The following FARS2 variants were observed in gnomAD, a reference collection of about 807,000 sequenced individuals.
FARS2 encodes phenylalanyl-tRNA synthetase 2, mitochondrial.
FARS2 carries 40 observed loss-of-function variants against 46.4 expected under a neutral mutation model. The observed-to-expected ratio is 0.86, with a 90% CI of 0.67 to 1.12. The LOEUF is 1.12. Ranked by LOEUF, FARS2 falls within the 50% of genes most tolerant of loss-of-function variation. FARS2 has a pLI of 0.00. For synonymous variants in FARS2, 234 were observed against 214.9 expected, an observed-to-expected ratio of 1.09 and a Z score of -0.78; for missense variants, 513 against 567.9, an observed-to-expected ratio of 0.90 and a Z score of 0.98.
rs376225292 is a variant in FARS2, at chr6:5,409,390, G to T, written c.772+4689G>T. On this transcript the variant is annotated intron_variant, in intron 3 of 6. Coordinates refer to ENST00000274680, the MANE Select transcript of FARS2 (RefSeq NM_006567.5). The stretch of plus-strand genomic sequence containing the variant: ...CGCTTGAACCTGAGAGGCGGAGGTT[G>T]CAGTGAGCCAAGATTGCACCACCGT... Among the ~76,000 whole-genome samples, 125 of 152,068 alleles carry T rather than the reference G, an allele frequency of 8.2e-4. 6 individuals are homozygous for T. The South Asian group carries it at 0.025, about 30-fold the overall frequency.
intron 1 of FARS2, among the ~76,000 whole-genome samples, chr6:5,354,628 C>G (rs1055522529): frequency 6.6e-6 from 1 of 152,000 alleles, no homozygotes; most frequent in African/African-American, 2.4e-5. Context: ...ATTCTCCTGC[C>G]TCAGCCTCCC....
intron 1 of FARS2, among the ~76,000 whole-genome samples, chr6:5,351,071 G>A (rs1561977174): frequency 2.0e-5 from 3 of 152,126 alleles, no homozygotes. Flanking sequence ...TGGGTGGTAG[G>A]ATATTACCTC....
At chr6:5,688,852 G>A (rs1182940444) in intron 6 of FARS2, among the ~76,000 whole-genome samples, 1 of 152,144 alleles carries the variant, frequency 6.6e-6, no homozygotes, top group African/African-American at 2.4e-5. Context: ...TGGTTGGTAA[G>A]CTATTAATTA....
intron 6 of FARS2, among the ~76,000 whole-genome samples, chr6:5,707,742 C>T (rs987796675): frequency 1.8e-4 from 27 of 152,344 alleles, no homozygotes; most frequent in African/African-American, 5.8e-4. Flanking sequence ...GGAGCAGCCA[C>T]GTCCTTCCGT....
intron 3 of FARS2, among the ~76,000 whole-genome samples, chr6:5,428,103 A>G (rs1762951952): frequency 6.6e-6 from 1 of 152,214 alleles, no homozygotes; most frequent in African/African-American, 2.4e-5. Context: ...ATGAGACCAT[A>G]TGCAGTAGAC....
At chr6:5,501,358 A>G (rs1230240346) in intron 4 of FARS2, among the ~76,000 whole-genome samples, 1 of 152,176 alleles carries the variant, frequency 6.6e-6, no homozygotes. Context: ...AGCTGTGTTA[A>G]TTACATTTTC....
intron 4 of FARS2, among the ~76,000 whole-genome samples, chr6:5,492,210 TTGAA>T (rs1767164924): frequency 6.6e-6 from 1 of 152,214 alleles, no homozygotes; most frequent in African/African-American, 2.4e-5. Flanking sequence ...AAACAACACT[TTGAA>T]TGGTGAAAAC....
chr6:5,603,106 T>C lies in FARS2; in HGVS notation c.1066-10063T>C, dbSNP rs571816036. On this transcript the variant is annotated intron_variant, in intron 5 of 6. Coordinates refer to ENST00000274680, the MANE Select transcript of FARS2 (RefSeq NM_006567.5). ...GGGGCCACTCTGTTTTTTATTGTGTTATTTTTTGACACAGGGTCTCACTCT... is the reference window on the plus strand; with the variant it reads ...GGGGCCACTCTGTTTTTTATTGTGTCATTTTTTGACACAGGGTCTCACTCT... Among the ~76,000 whole-genome samples, 3 of 152,134 alleles carry C rather than the reference T, an allele frequency of 2.0e-5. No homozygotes were observed. The East Asian group carries it at 5.8e-4, about 29-fold the overall frequency.
intron 1 of FARS2, among the ~76,000 whole-genome samples, chr6:5,269,820 T>C (rs1288882377): frequency 6.6e-6 from 1 of 152,244 alleles, no homozygotes; most frequent in African/African-American, 2.4e-5. Context: ...TAGACTGTTA[T>C]TAACAATAGA....
intron 1 of FARS2, among the ~76,000 whole-genome samples, chr6:5,367,273 CG>C (rs1758745040): frequency 1.3e-5 from 2 of 152,182 alleles, no homozygotes; most frequent in Admixed American, 1.3e-4. Flanking sequence ...TATGATTGCA[CG>C]GCCCTTGAAG....
At chr6:5,531,000 A>C (rs937949310) in intron 4 of FARS2, among the ~76,000 whole-genome samples, 2 of 151,480 alleles carry the variant, frequency 1.3e-5, no homozygotes, top group African/African-American at 4.8e-5. Context: ...GCTGATCTCC[A>C]GCTTTTTGCT....
intron 1 of FARS2, among the ~76,000 whole-genome samples, chr6:5,298,305 C>T (rs1318854533): frequency 6.6e-6 from 1 of 152,136 alleles, no homozygotes; most frequent in African/African-American, 2.4e-5. Context: ...CTTCCTGGAC[C>T]CTGCCTCATC....
intron 4 of FARS2, among the ~76,000 whole-genome samples, chr6:5,451,432 A>G (rs1764485149): frequency 6.6e-6 from 1 of 152,196 alleles, no homozygotes; most frequent in Non-Finnish European, 1.5e-5. Context: ...ATTCTCAAGT[A>G]TGTCAAGGTG....
intron 6 of FARS2, among the ~76,000 whole-genome samples, chr6:5,618,803 T>C (rs1189273372): frequency 6.6e-6 from 1 of 152,194 alleles, no homozygotes; most frequent in Non-Finnish European, 1.5e-5. Context: ...AAAAATAGAA[T>C]GGTGATTACC....
At chr6:5,275,263 T>C (rs1307219913) in intron 1 of FARS2, among the ~76,000 whole-genome samples, 1 of 152,242 alleles carries the variant, frequency 6.6e-6, no homozygotes, top group Non-Finnish European at 1.5e-5. Flanking sequence ...TATTTTCTTA[T>C]ACTCTTCACT....
intron 6 of FARS2, among the ~76,000 whole-genome samples, chr6:5,649,452 G>T (rs1777236309): frequency 6.6e-6 from 1 of 152,226 alleles, no homozygotes; most frequent in Non-Finnish European, 1.5e-5. Context: ...CCTGAGGCAA[G>T]CTTCTGGTGA....
intron 6 of FARS2, among the ~76,000 whole-genome samples, chr6:5,741,742 C>G (rs1255552430): frequency 6.6e-6 from 1 of 152,214 alleles, no homozygotes; most frequent in East Asian, 1.9e-4. Flanking sequence ...CCTCTGCCTC[C>G]TGGGTTCAAG....
At chr6:5,719,436 A>G (rs79964041) in intron 6 of FARS2, among the ~76,000 whole-genome samples, 5 of 25,256 alleles carry the variant, frequency 2.0e-4, no homozygotes, top group Non-Finnish European at 7.4e-4. Flanking sequence ...AAAGAAAGGA[A>G]AGAAAGAGAG....
chr6:5,432,322 A>AT (rs1562036229), intron 4 of FARS2, among the ~76,000 whole-genome samples: 10 of 39,572 alleles, frequency 2.5e-4, no homozygotes, highest in South Asian at 2.5e-3. Context: ...CTTAAAAAAA[A>AT]AAAAAATATA....
Sources: gnomAD v4.1 joint callset for allele counts (sites outside exome capture counted in the v4.1 genomes callset) on GRCh38, gnomAD v4.1.1 for gene constraint, MANE v1.5 for transcripts, NCBI Gene and HGNC (gene_info 2026-07-23, HGNC 2026-07-21) for gene names.